Variants in ZBTB7C observed in about 807,000 individuals in gnomAD.
ZBTB7C encodes the protein zinc finger and BTB domain containing 7C, also known as zinc finger and BTB domain-containing protein 7C.
ZBTB7C carries 8 observed loss-of-function variants against 25.7 expected under a neutral mutation model. The observed-to-expected ratio is 0.31, with a 90% CI of 0.18 to 0.56. The LOEUF is 0.56. Among genes scored for constraint, ZBTB7C ranks in the 20% least tolerant of loss-of-function variants. ZBTB7C has a pLI of 0.91. For synonymous variants in ZBTB7C, 394 were observed against 369.0 expected, an observed-to-expected ratio of 1.07 and a Z score of -0.78; for missense variants, 824 against 855.2, an observed-to-expected ratio of 0.96 and a Z score of 0.46.
chr18:48,236,300 C>T (rs2043376243), intron 2 of ZBTB7C, among the ~76,000 whole-genome samples: 1 of 152,190 alleles, frequency 6.6e-6, no homozygotes, highest in Non-Finnish European at 1.5e-5. Context: ...TGGTGTAAGG[C>T]CAATGTCACC....
intron 3 of ZBTB7C, among the ~76,000 whole-genome samples, chr18:48,064,953 C>G (rs2037268357): frequency 6.6e-6 from 1 of 152,172 alleles, no homozygotes; most frequent in Non-Finnish European, 1.5e-5. Context: ...TCCTAAGCTC[C>G]CACCACTCCA....
intron 2 of ZBTB7C, among the ~76,000 whole-genome samples, chr18:48,247,108 G>A (rs1040210535): frequency 6.6e-5 from 10 of 152,042 alleles, no homozygotes; most frequent in African/African-American, 2.2e-4. Flanking sequence ...ATACTTGACA[G>A]GTATTTTATA....
chr18:48,107,914 C>T (rs906461159), intron 3 of ZBTB7C, among the ~76,000 whole-genome samples: 11 of 152,280 alleles, frequency 7.2e-5, no homozygotes, highest in Admixed American at 4.6e-4. Flanking sequence ...CTTATCCTTC[C>T]TTGCTCTCAA....
At chr18:48,270,433 T>C (rs1219614148) in intron 2 of ZBTB7C, among the ~76,000 whole-genome samples, 1 of 151,330 alleles carries the variant, frequency 6.6e-6, no homozygotes, top group Non-Finnish European at 1.5e-5. Flanking sequence ...CAGTGGCTTA[T>C]GCCTGTAATC....
chr18:48,336,501 C>T (rs780705544), intron 2 of ZBTB7C, among the ~76,000 whole-genome samples: 1 of 152,188 alleles, frequency 6.6e-6, no homozygotes, highest in Non-Finnish European at 1.5e-5. Context: ...AAGCTTGAAG[C>T]CTCCAGAGGC....
At chr18:48,248,477 A>G (rs1484186282) in intron 2 of ZBTB7C, among the ~76,000 whole-genome samples, 2 of 151,994 alleles carry the variant, frequency 1.3e-5, no homozygotes, top group Admixed American at 6.6e-5. Flanking sequence ...TGTCTTCCCT[A>G]TTGCAAATGT....
rs900882300 is a variant in ZBTB7C, at chr18:48,063,265, T to C, written c.-16-22142A>G. ...CCATCTCCGCTGCCCTTAAGGATCA[T>C]GTGACATCAGCTCCACTAGACAAAC... On this transcript the variant is annotated intron_variant, in intron 3 of 4. Coordinates refer to ENST00000590800, the MANE Select transcript of ZBTB7C (RefSeq NM_001318841.2). Among the ~76,000 whole-genome samples the C allele has an allele frequency of 3.9e-5, 6 of 152,362 alleles. No homozygotes were observed. In the South Asian group the frequency reaches 1.2e-3, roughly 32 times the overall value.
intron 2 of ZBTB7C, among the ~76,000 whole-genome samples, chr18:48,235,573 G>T (rs983132958): frequency 6.6e-6 from 1 of 151,748 alleles, no homozygotes; most frequent in Admixed American, 6.6e-5. Context: ...GTTCTCCATT[G>T]CATCTTAGAT....
chr18:48,040,498 G>A lies in ZBTB7C; in HGVS notation c.610C>T (p.Pro204Ser), dbSNP rs1184972802. ...TGGAAGGAGTCAGGGAAGTCCCTGG[G>A]GGTGTCTGAATAGGCCTTCTCTGTG... ...HLTEKAYSDT[P>S]RDFPDSFQAG... The change falls in exon 4 of 5, where the codon CCC becomes TCC. Residue 204 changes from proline (P) to serine (S), a missense_variant. Transcript: ENST00000590800. 1 of 1,613,320 alleles carries A rather than the reference G, an allele frequency of 6.2e-7. No homozygotes were observed. The highest frequency in any genetic ancestry group is 2.2e-5 in the East Asian group (1 of 44,866).
intron 4 of ZBTB7C, among the ~76,000 whole-genome samples, chr18:48,037,924 C>G (rs2036047266): frequency 6.6e-6 from 1 of 152,196 alleles, no homozygotes; most frequent in African/African-American, 2.4e-5. Context: ...AGCCAGGCCC[C>G]CCGTGAAGAT....
rs1208156792 is a variant in ZBTB7C at position 48,367,200 on chromosome 18, TATAC to T, written c.-303-28806_-303-28803del. Among the ~76,000 whole-genome samples, 257 of 65,980 alleles carry T rather than the reference TATAC, an allele frequency of 3.9e-3. 2 individuals carry two copies. Among genetic ancestry groups the T allele is most frequent in the African/African-American group, 0.014 (213 of 15,354 alleles). 43.3% of individuals were successfully genotyped at this position (65,980 alleles called of 152,430 possible). A position where few individuals can be genotyped will look rare whatever the true frequency, so the allele number is the denominator to read the frequency against. ...TTATATATATATATATATATATATA[TATAC>T]ACACACACACACACACACACACACA... is the stretch of plus-strand genomic sequence containing the variant. On this transcript the variant is annotated intron_variant, in intron 1 of 4. Transcript: ENST00000590800.
At chr18:48,123,971 T>C (rs1598922159) in intron 3 of ZBTB7C, among the ~76,000 whole-genome samples, 1 of 152,136 alleles carries the variant, frequency 6.6e-6, no homozygotes, top group South Asian at 2.1e-4. Context: ...CTGGGGACAG[T>C]GAGATGGTTT....
rs998855014 is a variant in ZBTB7C, at chr18:48,029,358, A to G, written c.1762T>C (p.Tyr588His). ...LAENVAAARP[Y>H]FPLPDPWAAG... is the part of the protein sequence containing the mutation. ...GCCCAAGGGTCGGGCAGCGGGAAGT[A>G]GGGCCGCGCCGCCGCCACGTTCTCG... Residue 588 changes from tyrosine to histidine, a missense_variant, in exon 5 of 5, where the codon TAC (tyrosine) becomes CAC (histidine). Tyr to His is a moderately conservative substitution (Grantham distance 83, BLOSUM62 2). Coordinates refer to ENST00000590800, the MANE Select transcript of ZBTB7C (RefSeq NM_001318841.2). 1.3e-6 allele frequency: 2 copies of G among 1,545,490 alleles called. No individual in the cohort carries two copies. Among genetic ancestry groups the G allele is most frequent in the African/African-American group, 2.7e-5 (2 of 72,852 alleles).
chr18:48,304,333 T>G (rs1371435864), intron 2 of ZBTB7C, among the ~76,000 whole-genome samples: 1 of 152,138 alleles, frequency 6.6e-6, no homozygotes, highest in Non-Finnish European at 1.5e-5. Flanking sequence ...AGACTGCCCC[T>G]AGGAAGGCGT....
intron 1 of ZBTB7C, among the ~76,000 whole-genome samples, chr18:48,373,786 C>A (rs1385500771): frequency 1.3e-5 from 2 of 152,082 alleles, no homozygotes; most frequent in Non-Finnish European, 2.9e-5. Context: ...ACGGTGAAAC[C>A]CCATCTCTAC....
At chr18:48,246,725 G>A (rs576139423) in intron 2 of ZBTB7C, among the ~76,000 whole-genome samples, 1 of 152,032 alleles carries the variant, frequency 6.6e-6, no homozygotes, top group African/African-American at 2.4e-5. Context: ...AACTTAAAAG[G>A]ATGAGACACC....
At chr18:48,200,680 GCACCCTGCACCTC>G (rs2042420772) in intron 2 of ZBTB7C, among the ~76,000 whole-genome samples, 1 of 152,146 alleles carries the variant, frequency 6.6e-6, no homozygotes, top group Non-Finnish European at 1.5e-5. Context: ...TAAACCACAG[GCACCCTGCACCTC>G]CACAGAAGCA....
intron 3 of ZBTB7C, among the ~76,000 whole-genome samples, chr18:48,109,394 C>G (rs1460821603): frequency 6.6e-6 from 1 of 152,170 alleles, no homozygotes; most frequent in South Asian, 2.1e-4. Context: ...CCTTTCATAT[C>G]TTTCTAGAAC....
At chr18:48,355,380 T>C (rs1350998983) in intron 1 of ZBTB7C, among the ~76,000 whole-genome samples, 1 of 152,196 alleles carries the variant, frequency 6.6e-6, no homozygotes, top group African/African-American at 2.4e-5. Flanking sequence ...TTTCCAGATG[T>C]CTGCTTAGCG....
Sources: allele counts gnomAD v4.1 joint callset (sites outside exome capture counted in the v4.1 genomes callset), GRCh38; gene constraint gnomAD v4.1.1; transcripts MANE v1.5; gene names NCBI Gene and HGNC (gene_info 2026-07-23, HGNC 2026-07-21).